NEDD4L: variants seen among roughly 807,000 people sequenced by gnomAD.
NEDD4L encodes NEDD4 like E3 ubiquitin protein ligase.
A neutral mutation model predicts 148.9 loss-of-function variants in NEDD4L; 54 were observed. The observed-to-expected ratio is 0.36, with a 90% CI of 0.29 to 0.45. The LOEUF (loss-of-function observed/expected upper bound fraction) is 0.45, where lower values mean the gene tolerates loss of function less well. Among genes scored for constraint, NEDD4L ranks in the 20% least tolerant of loss-of-function variants. NEDD4L has a pLI of 1.00. For synonymous variants in NEDD4L, 433 were observed against 440.7 expected (o/e 0.98, Z 0.22); for missense variants, 856 against 1,233.8 (o/e 0.69, Z 4.59).
At chr18:58,364,198 G>A in intron 19 of NEDD4L, 70 bp from the exon 20 acceptor site, 3 of 862,944 alleles carry the variant, frequency 3.5e-6, no homozygotes, top group South Asian at 3.1e-5. Flanking sequence ...TCTCTTGAAT[G>A]TTGCCTCAGT....
In NEDD4L at chr18:58,396,246, C is replaced by G. The variant is rs1434566598; in HGVS notation, c.2905C>G (p.Gln969Glu). The G allele has an allele frequency of 6.2e-7, 1 of 1,612,670 alleles. No homozygotes were observed. The change falls in exon 31 of 31, where the codon CAA becomes GAA. Residue 969 changes from glutamine to glutamate, a missense_variant. Gln to Glu is a conservative substitution (Grantham distance 29). This residue lies in a region of NEDD4L where 286 missense variants were observed against 531.8 expected (regional missense o/e 0.54). Transcript: ENST00000400345. ...EKLLMAVENAQGFEGVD is the reference protein window; with the variant it reads ...EKLLMAVENAEGFEGVD ...ACTTCTCATGGCCGTGGAAAATGCTCAAGGATTTGAAGGGGTGGATTAAGC... is the reference window on the plus strand; with the variant it reads ...ACTTCTCATGGCCGTGGAAAATGCTGAAGGATTTGAAGGGGTGGATTAAGC...
chr18:58,181,979 A>G (rs2038914055), intron 2 of NEDD4L, among the ~76,000 whole-genome samples: 1 of 152,128 alleles, frequency 6.6e-6, no homozygotes, highest in Non-Finnish European at 1.5e-5. Flanking sequence ...CTAACTTTGT[A>G]GATGACATTG....
At chr18:58,329,591 G>C (rs890722791) in intron 10 of NEDD4L, among the ~76,000 whole-genome samples, 2 of 151,696 alleles carry the variant, frequency 1.3e-5, no homozygotes, top group African/African-American at 4.8e-5. Context: ...TCCTGACCTC[G>C]AGATCCGCCT....
chr18:58,053,017 G>A (rs2081945283), intron 1 of NEDD4L, among the ~76,000 whole-genome samples: 1 of 152,178 alleles, frequency 6.6e-6, no homozygotes, highest in Admixed American at 6.5e-5. Context: ...ACTTGGAAAG[G>A]CTTGTAAGGA....
chr18:58,346,052 C>T (rs1408080065), intron 16 of NEDD4L, among the ~76,000 whole-genome samples: 2 of 152,038 alleles, frequency 1.3e-5, no homozygotes, highest in Non-Finnish European at 2.9e-5. Context: ...AGACACCCTG[C>T]CAGGCCAAGT....
chr18:58,062,974 C>T lies in NEDD4L; in HGVS notation c.48+18266C>T, dbSNP rs553784520. On this transcript the variant is annotated intron_variant, in intron 1 of 30. Coordinates refer to ENST00000400345, the MANE Select transcript of NEDD4L (RefSeq NM_001144967.3). ...CTGCACTCCAGCCTGGGCGACAGAG[C>T]GAAACTCCATCTCAAAAAAAAAAAA... 1.3e-4 allele frequency among the ~76,000 whole-genome samples: 13 copies of T among 98,624 alleles called. No individual in the cohort carries two copies. In the South Asian group the frequency reaches 4.8e-3, roughly 36 times the overall value. 64.7% of individuals were successfully genotyped at this position (98,624 alleles called of 152,430 possible). A position where few individuals can be genotyped will look rare whatever the true frequency, so the allele number is the denominator to read the frequency against.
At chr18:58,363,440 A>G (rs781756008) in intron 19 of NEDD4L, among the ~76,000 whole-genome samples, 5 of 152,190 alleles carry the variant, frequency 3.3e-5, no homozygotes, top group Admixed American at 1.3e-4. Flanking sequence ...GCAAAACCCA[A>G]TCCTTTTTGC....
intron 4 of NEDD4L, 34 bp from the exon 5 acceptor site, chr18:58,251,967 C>A: frequency 1.6e-6 from 2 of 1,223,230 alleles, no homozygotes; most frequent in Non-Finnish European, 2.4e-6. Context: ...ATGATTCCTG[C>A]TCGTTTAAAA....
At chr18:58,387,291 C>CTA (rs2049159363) in intron 26 of NEDD4L, 148 bp from the exon 27 acceptor site, 2 of 891,442 alleles carry the variant, frequency 2.2e-6, no homozygotes, top group Non-Finnish European at 3.2e-6. Flanking sequence ...TTTACTGGAA[C>CTA]TATAGTTACT....
At chr18:58,187,851 C>T (rs2039644681) in intron 2 of NEDD4L, among the ~76,000 whole-genome samples, 1 of 152,004 alleles carries the variant, frequency 6.6e-6, no homozygotes, top group South Asian at 2.1e-4. Flanking sequence ...TCTCTTTGGT[C>T]TGAGTTCAAG....
intron 1 of NEDD4L, among the ~76,000 whole-genome samples, chr18:58,090,536 C>T (rs7243326): frequency 0.087 from 13,197 of 152,170 alleles, 691 homozygotes; most frequent in Admixed American, 0.15. Flanking sequence ...TGGAATGCAG[C>T]GGTGCGATCT....
chr18:58,179,270 C>T (rs1294055680), intron 2 of NEDD4L, among the ~76,000 whole-genome samples: 1 of 152,138 alleles, frequency 6.6e-6, no homozygotes, highest in Non-Finnish European at 1.5e-5. Context: ...ACTAGTGGGG[C>T]CGTATAATTC....
intron 1 of NEDD4L, among the ~76,000 whole-genome samples, chr18:58,084,582 A>G (rs1472131193): frequency 1.3e-5 from 2 of 151,982 alleles, no homozygotes; most frequent in Non-Finnish European, 2.9e-5. Flanking sequence ...CAAAATCAAG[A>G]TGTCAGCAGG....
At chr18:58,255,521 G>T (rs1161651423) in intron 5 of NEDD4L, 1 of 1,231,272 alleles carries the variant, frequency 8.1e-7, no homozygotes, top group Non-Finnish European at 1.0e-6. Context: ...GTGCCGCAGT[G>T]CTAACAGTTT....
chr18:58,044,559 G>C lies in NEDD4L; in HGVS notation c.-102G>C. ...CCCGGCAGGGCGTGCGCAGGGTAGG[G>C]TGCGGGACCGGGGGGACCTGGAGGC... On this transcript the variant is annotated 5_prime_UTR_variant, in exon 1 of 31. Transcript: ENST00000400345. 1 of 1,379,636 alleles carries C rather than the reference G, an allele frequency of 7.2e-7. No homozygotes were observed. The highest frequency in any genetic ancestry group is 9.4e-7 in the Non-Finnish European group (1 of 1,060,778). The allele number at this position is 1,379,636 out of a possible 1,614,324, so 85.5% of individuals were successfully genotyped here.
intron 1 of NEDD4L, among the ~76,000 whole-genome samples, chr18:58,144,630 C>T (rs1250582870): frequency 6.6e-6 from 1 of 151,922 alleles, no homozygotes; most frequent in African/African-American, 2.4e-5. Context: ...ACTAAATGTT[C>T]TGATTATGAA....
chr18:58,136,555 A>G (rs1482316815), intron 1 of NEDD4L, among the ~76,000 whole-genome samples: 2 of 152,244 alleles, frequency 1.3e-5, no homozygotes, highest in Non-Finnish European at 2.9e-5. Flanking sequence ...CTGTGACTAC[A>G]GTGGATATTC....
Position 58,366,193 on chromosome 18 carries a change from C to A in NEDD4L, c.2028C>A (p.Phe676Leu). Residue 676 changes from phenylalanine to leucine, a missense_variant, in exon 21 of 31, where the codon TTC becomes TTA. This residue lies in a region of NEDD4L where 286 missense variants were observed against 531.8 expected (regional missense o/e 0.54). Transcript: ENST00000400345. The surrounding 1 kb of genome is among the most constrained non-coding windows in gnomAD (Gnocchi z 4.2). ...TCTTCTTACTGTCCAAAGAGATGTTCAACCCCTACTACGGCCTCTTTGAGT... is the reference window on the plus strand; with the variant it reads ...TCTTCTTACTGTCCAAAGAGATGTTAAACCCCTACTACGGCCTCTTTGAGT... ...EWFFLLSKEMFNPYYGLFEYS... is the reference protein window; with the variant it reads ...EWFFLLSKEMLNPYYGLFEYS... 1 of 1,612,446 alleles carries A rather than the reference C, an allele frequency of 6.2e-7. No individual in the cohort carries two copies. The highest frequency in any genetic ancestry group is 8.5e-7 in the Non-Finnish European group (1 of 1,179,132).
intron 1 of NEDD4L, among the ~76,000 whole-genome samples, chr18:58,104,490 A>G (rs1419931965): frequency 1.3e-5 from 2 of 152,240 alleles, no homozygotes; most frequent in African/African-American, 4.8e-5. Flanking sequence ...GTGATGTTAT[A>G]TGAATTTCAC....
Sources: gnomAD v4.1 joint callset for allele counts (sites outside exome capture counted in the v4.1 genomes callset) on GRCh38, gnomAD v4.1.1 for gene constraint, gnomAD v4.1.1 regional missense constraint, Gnocchi (gnomAD v3.1) non-coding constraint, MANE v1.5 for transcripts, NCBI Gene and HGNC (gene_info 2026-07-23, HGNC 2026-07-21) for gene names.